FRMD1: variants seen among roughly 807,000 people sequenced by gnomAD.
The protein encoded by FRMD1 is FERM domain-containing protein 1.
A neutral mutation model predicts 54.9 loss-of-function variants in FRMD1; 51 were observed. The ratio of observed to expected loss-of-function variants is 0.93; its 90% CI spans 0.74 to 1.17. The LOEUF is 1.17. Among genes scored for constraint, FRMD1 ranks in the 50% most tolerant of loss-of-function variants. The pLI is 0.00. For synonymous variants in FRMD1, 324 were observed against 306.4 expected (o/e 1.06, Z -0.60); for missense variants, 729 against 743.0 (o/e 0.98, Z 0.22).
At chr6:168,089,798 C>T (rs1420478918) in intron 1 of FRMD1, among the ~76,000 whole-genome samples, 1 of 152,216 alleles carries the variant, frequency 6.6e-6, no homozygotes, top group Non-Finnish European at 1.5e-5. Flanking sequence ...GAACTCTGCT[C>T]CTAAAATCAG....
chr6:168,084,474 C>G (rs1303913633), upstream of FRMD1, among the ~76,000 whole-genome samples: 1 of 152,214 alleles, frequency 6.6e-6, no homozygotes, highest in East Asian at 1.9e-4. Context: ...AGAACAAATC[C>G]CACAAAGAAG....
chr6:168,066,486 G>T, intron 4 of FRMD1: 1 of 1,121,154 alleles, frequency 8.9e-7, no homozygotes, highest in Non-Finnish European at 1.1e-6. Flanking sequence ...CGACAAGAGT[G>T]AAACTCCGTC....
Position 168,057,343 on chromosome 6 carries a change from C to G in FRMD1, c.1408-4G>C. The G allele has an allele frequency of 6.2e-7, 1 of 1,608,620 alleles. No individual in the cohort carries two copies. The highest frequency in any genetic ancestry group is 8.5e-7 in the Non-Finnish European group (1 of 1,179,678). The stretch of plus-strand genomic sequence containing the variant: ...CCCCGGCTGTCATTTCCTGGATCTG[C>G]GGGGAGAGGCCATGGGATGAGGCCT... On this transcript the variant is annotated splice_region_variant and splice_polypyrimidine_tract_variant and intron_variant, in intron 10 of 10. Transcript: ENST00000283309.
chr6:168,090,469 C>T (rs1358759835), intron 1 of FRMD1, among the ~76,000 whole-genome samples: 1 of 152,166 alleles, frequency 6.6e-6, no homozygotes, highest in Non-Finnish European at 1.5e-5. Flanking sequence ...TTTGCACATG[C>T]TGTCTGAGGA....
chr6:168,057,095 G>A lies in FRMD1; in HGVS notation c.*2C>T, dbSNP rs1799442112. On this transcript the variant is annotated 3_prime_UTR_variant, in exon 11 of 11. Coordinates refer to ENST00000283309, the MANE Select transcript of FRMD1 (RefSeq NM_024919.6). ...CGGACGGTACTGCTGGGTGGGTGGT[G>A]CCTACACCACAAACTCCTGTGGTGG... is the stretch of plus-strand genomic sequence containing the variant. The A allele has an allele frequency of 6.8e-7, 1 of 1,473,578 alleles. No homozygotes were observed. The highest frequency in any genetic ancestry group is 2.5e-5 in the Admixed American group (1 of 40,384). The allele number at this position is 1,473,578 out of a possible 1,614,324, so 91.3% of individuals were successfully genotyped here. A position where few individuals can be genotyped will look rare whatever the true frequency, so the allele number is the denominator to read the frequency against.
intron 4 of FRMD1, chr6:168,065,679 C>A: frequency 1.0e-6 from 1 of 986,858 alleles, no homozygotes; most frequent in Non-Finnish European, 1.2e-6. Context: ...CTCTCCAGAA[C>A]CTGCCACACA....
intron 4 of FRMD1, 176 bp downstream of exon 4, chr6:168,066,579 T>G (rs762978964): frequency 2.1e-5 from 29 of 1,410,304 alleles, no homozygotes; most frequent in Non-Finnish European, 2.5e-5. Flanking sequence ...TACCTTTCGA[T>G]TAAATAGAAT....
At chr6:168,062,122 G>T (rs751267989) in intron 7 of FRMD1, 141 bp from the exon 8 acceptor site, 8 of 867,746 alleles carry the variant, frequency 9.2e-6, no homozygotes, top group Non-Finnish European at 1.1e-5. Flanking sequence ...GGCTGTTGGC[G>T]GACACTGTGC....
At chr6:168,081,417 G>T, upstream of FRMD1, 1 of 1,535,584 alleles carries the variant, frequency 6.5e-7, no homozygotes, top group East Asian at 2.4e-5. Flanking sequence ...TGATGTCAGG[G>T]CCGGGCAGTG....
At position 168,066,852 on chromosome 6, in the gene FRMD1, A is replaced by G. The variant is rs1800056241; in HGVS notation, c.385-21T>C. 8 of 1,610,836 alleles carry G rather than the reference A, an allele frequency of 5.0e-6. No individual in the cohort carries two copies. In the Admixed American group the frequency reaches 1.2e-4, roughly 24 times the overall value. The stretch of plus-strand genomic sequence containing the variant: ...TTTCCCTAGTGGGGAAAATGCAAGA[A>G]AGAGCAAGTGAGCCGCAGGGAGGTG... On this transcript the variant is annotated intron_variant, in intron 3 of 10. Transcript: ENST00000283309.
Position 168,075,348 on chromosome 6 carries a change from TG to T in FRMD1, c.214-14del. ...CAGTAGCCTTCACCTGCAAAAGAGG[TG>T]GGGAGGGGTTCAGGGAGGGGCCGGC... is the stretch of plus-strand genomic sequence containing the variant. On this transcript the variant is annotated splice_polypyrimidine_tract_variant and intron_variant, in intron 1 of 10. Coordinates refer to ENST00000283309, the MANE Select transcript of FRMD1 (RefSeq NM_024919.6). 1 of 1,609,376 alleles carries T rather than the reference TG, an allele frequency of 6.2e-7. No individual in the cohort carries two copies.
chr6:168,070,312 G>T (rs1800238617), intron 2 of FRMD1, among the ~76,000 whole-genome samples: 1 of 54,392 alleles, frequency 1.8e-5, no homozygotes, highest in Admixed American at 2.1e-4. Context: ...AGGAAGGAAA[G>T]AAAGAAGGAA....
chr6:168,088,317 G>A (rs1225723509), intron 1 of FRMD1, among the ~76,000 whole-genome samples: 1 of 152,196 alleles, frequency 6.6e-6, no homozygotes, highest in African/African-American at 2.4e-5. Flanking sequence ...TTCAGTGCCT[G>A]CTCTCCAGAG....
chr6:168,067,072 C>A, intron 3 of FRMD1: 1 of 713,368 alleles, frequency 1.4e-6, no homozygotes, highest in Non-Finnish European at 2.5e-6. Context: ...GGCACACCTG[C>A]TTGCAGCCTC....
intron 1 of FRMD1, among the ~76,000 whole-genome samples, 157 bp from the exon 2 acceptor site, chr6:168,075,492 A>G (rs1800545494): frequency 6.6e-6 from 1 of 152,024 alleles, no homozygotes; most frequent in East Asian, 1.9e-4. Context: ...TCCCAAAGCT[A>G]AACACCGCTG....
At chr6:168,079,436 A>G (rs1239071028), upstream of FRMD1, among the ~76,000 whole-genome samples, 1 of 152,040 alleles carries the variant, frequency 6.6e-6, no homozygotes, top group Non-Finnish European at 1.5e-5. Flanking sequence ...CCACCTGACA[A>G]CCCCTATCTC....
chr6:168,075,752 C>CAACTGATGCG, intron 1 of FRMD1: 1 of 1,549,760 alleles, frequency 6.5e-7, no homozygotes, highest in Non-Finnish European at 8.7e-7. Context: ...ATCCATCGCC[C>CAACTGATGCG]AACTGATGCG....
At chr6:168,081,395 C>A (rs914597876), upstream of FRMD1, 156 of 1,535,448 alleles carry the variant, frequency 1.0e-4, no homozygotes, top group Admixed American at 1.4e-4. Flanking sequence ...AGAGGCTGGC[C>A]TGCCACGTTC....
At position 168,053,181 on chromosome 6, in the gene FRMD1, C is replaced by T. The variant is rs1232600847; in HGVS notation, c.*3916G>A. 3 of 152,272 alleles carry T rather than the reference C, an allele frequency of 2.0e-5. No homozygotes were observed. The highest frequency in any genetic ancestry group is 6.5e-5 in the Admixed American group (1 of 15,290). 9.4% of individuals were successfully genotyped at this position (152,272 alleles called of 1,614,324 possible). A position where few individuals can be genotyped will look rare whatever the true frequency, so the allele number is the denominator to read the frequency against. ...TCCCCACTGCGTGTTCACCTCTTCACGCGCCTTTGTAGAATACCAGCTTTC... is the reference window on the plus strand; with the variant it reads ...TCCCCACTGCGTGTTCACCTCTTCATGCGCCTTTGTAGAATACCAGCTTTC... On this transcript the variant is annotated 3_prime_UTR_variant, in exon 11 of 11. Transcript: ENST00000283309.
Sources: gnomAD v4.1 joint callset for allele counts (sites outside exome capture counted in the v4.1 genomes callset) on GRCh38, gnomAD v4.1.1 for gene constraint, MANE v1.5 for transcripts, NCBI Gene and HGNC (gene_info 2026-07-23, HGNC 2026-07-21) for gene names.